The following WDR4 variants were observed in gnomAD, a reference collection of about 807,000 sequenced individuals.
WDR4 encodes the protein WDR4 tRNA N7-guanosine methyltransferase non-catalytic subunit, also known as tRNA (guanine-N(7)-)-methyltransferase non-catalytic subunit WDR4.
In WDR4, 47 loss-of-function variants were observed where a neutral mutation model predicts 48.6. The ratio of observed to expected loss-of-function variants is 0.97; its 90% confidence interval spans 0.77 to 1.23. WDR4 has a LOEUF of 1.23. Ranked by LOEUF, WDR4 falls within the 50% of genes most tolerant of loss-of-function variation. The pLI is 0.00. For synonymous variants in WDR4, 268 were observed against 230.0 expected (o/e 1.17, Z -1.49); for missense variants, 606 against 551.6 (o/e 1.10, Z -0.99).
chr21:42,848,240 A>G (rs1020657249), downstream of WDR4, among the ~76,000 whole-genome samples: 2 of 152,166 alleles, frequency 1.3e-5, no homozygotes, highest in African/African-American at 2.4e-5. Flanking sequence ...GCCTGAACGA[A>G]TTAAGTGATG....
intron 5 of WDR4, among the ~76,000 whole-genome samples, chr21:42,861,233 G>C (rs562997932): frequency 6.6e-6 from 1 of 150,696 alleles, no homozygotes; most frequent in Admixed American, 6.6e-5. Flanking sequence ...AGAATCGCTT[G>C]AACCTGGAAG....
downstream of WDR4, among the ~76,000 whole-genome samples, chr21:42,844,852 C>T (rs1371058462): frequency 6.6e-6 from 1 of 152,208 alleles, no homozygotes; most frequent in Non-Finnish European, 1.5e-5. Context: ...TGAGAGCCCC[C>T]GCCCCCACCA....
At chr21:42,854,160 T>A (rs186464098) in intron 8 of WDR4, among the ~76,000 whole-genome samples, 3 of 152,318 alleles carry the variant, frequency 2.0e-5, no homozygotes, top group Admixed American at 2.0e-4. Flanking sequence ...CACAAGTCAC[T>A]CGGGAAGAAG....
At position 42,853,674 on chromosome 21, in the gene WDR4, G is replaced by A. The variant is rs149553550; in HGVS notation, c.870C>T (p.His290=). 4.0e-5 allele frequency: 63 copies of A among 1,588,132 alleles called. No homozygotes were observed. Among genetic ancestry groups the A allele is most frequent in the Non-Finnish European group, 5.2e-5 (61 of 1,168,304 alleles). The stretch of plus-strand genomic sequence containing the variant: ...CCTCGAAAGCCACGTCCCACACTTG[G>A]TGCTGGAACGCCAGCTGCTGCCTGT... The part of the protein sequence containing the change: ...LVYRQQLAFQ[H]QVWDVAFEET... Residue 290 remains histidine, a synonymous_variant, in exon 9 of 11, where the codon CAC becomes CAT. Coordinates refer to ENST00000398208, the MANE Select transcript of WDR4 (RefSeq NM_018669.6).
downstream of WDR4, among the ~76,000 whole-genome samples, chr21:42,844,231 G>A (rs80007636): frequency 0.015 from 2,224 of 152,182 alleles, 54 homozygotes; most frequent in African/African-American, 0.049. Context: ...GGAAGAGACC[G>A]AATAGCTAGA....
chr21:42,850,496 G>A (rs571206444), intron 10 of WDR4, among the ~76,000 whole-genome samples: 2 of 152,220 alleles, frequency 1.3e-5, no homozygotes, highest in Non-Finnish European at 2.9e-5. Flanking sequence ...CACCAAGGCT[G>A]GGCCTCCACC....
chr21:42,879,290 T>G, intron 1 of WDR4, 117 bp downstream of exon 1: 2 of 1,408,810 alleles, frequency 1.4e-6, no homozygotes, highest in Non-Finnish European at 9.3e-7. Flanking sequence ...TGGAGCGGAG[T>G]TCCCCGGGGT....
chr21:42,862,274 G>A lies in WDR4; in HGVS notation c.566+8C>T, dbSNP rs772725522. ...CTTTCTGCTGGAGGGGCAGGAAGGG[G>A]CACTCACTCTGTGTGCCCCAAGCAG... is the stretch of plus-strand genomic sequence containing the variant. On this transcript the variant is annotated splice_region_variant and intron_variant, in intron 5 of 10. Transcript: ENST00000398208. This position sits in a 1 kb window ranked among gnomAD's most constrained non-coding sequence, Gnocchi z 4.3. 6.3e-7 allele frequency: 1 copy of A among 1,597,606 alleles called. No individual in the cohort carries two copies. Among genetic ancestry groups the A allele is most frequent in the Admixed American group, 1.7e-5 (1 of 58,528 alleles).
chr21:42,850,691 G>A (rs1458172034), intron 10 of WDR4, among the ~76,000 whole-genome samples: 2 of 152,216 alleles, frequency 1.3e-5, no homozygotes, highest in East Asian at 1.9e-4. Flanking sequence ...AGCTGAGATG[G>A]CCACCTGCAG....
chr21:42,872,076 C>G (rs2146089978), intron 3 of WDR4, among the ~76,000 whole-genome samples: 1 of 152,144 alleles, frequency 6.6e-6, no homozygotes, highest in Admixed American at 6.5e-5. Context: ...CCTCCGCCTC[C>G]CAGGTTCGGG....
chr21:42,853,004 G>A (rs1277887806), intron 9 of WDR4, among the ~76,000 whole-genome samples: 2 of 152,038 alleles, frequency 1.3e-5, no homozygotes, highest in African/African-American at 4.8e-5. Flanking sequence ...AACCCTGTGA[G>A]ACGCAGGGCG....
At chr21:42,843,317 G>A (rs766312528) in intron 11 of WDR4, 7 of 151,038 alleles carry the variant, frequency 4.6e-5, no homozygotes, top group Non-Finnish European at 8.8e-5. Flanking sequence ...AGCAGAAAAG[G>A]AACAATTATC....
chr21:42,854,107 G>A (rs1789329298), intron 8 of WDR4, among the ~76,000 whole-genome samples: 1 of 152,222 alleles, frequency 6.6e-6, no homozygotes, highest in African/African-American at 2.4e-5. Context: ...AGGACAAGAT[G>A]AAAAGTGCCG....
chr21:42,868,892 G>A (rs2058308605), intron 3 of WDR4, among the ~76,000 whole-genome samples: 3 of 152,216 alleles, frequency 2.0e-5, no homozygotes, highest in Admixed American at 1.3e-4. Flanking sequence ...CAAACTTCCC[G>A]AAGTTTAAAG....
chr21:42,853,603 A>G lies in WDR4; in HGVS notation c.941T>C (p.Leu314Pro). ...WVLQDCQEAP[L>P]VLYRPVGDQW... The stretch of plus-strand genomic sequence containing the variant: ...GTCGCCCACAGGCCTGTAGAGCACC[A>G]GGGGGGCTTCCTGGCAGTCCTGGAG... Residue 314 changes from leucine (L) to proline (P), a missense_variant, in exon 9 of 11, where the codon CTG becomes CCG. Leu to Pro is a moderately conservative substitution (Grantham distance 98). Transcript: ENST00000398208. 2.5e-6 allele frequency: 4 copies of G among 1,610,714 alleles called. No individual in the cohort carries two copies. Among genetic ancestry groups the G allele is most frequent in the Non-Finnish European group, 3.4e-6 (4 of 1,179,170 alleles).
chr21:42,850,180 A>C lies in WDR4; in HGVS notation c.1108T>G (p.Ser370Ala), dbSNP rs762041902. ...LYKATFDNVTSYLKKKEERLQ... is the reference protein window; with the variant it reads ...LYKATFDNVTAYLKKKEERLQ... ...CTCTCCTCTTTCTTCTTCAGGTAGG[A>C]GGTCACGTTGTCGAACGTGGCCTTG... is the stretch of plus-strand genomic sequence containing the variant. The change falls in exon 11 of 11, where the codon TCC (serine) becomes GCC (alanine). Residue 370 changes from serine (S) to alanine (A), a missense_variant. By Grantham distance (99) the Ser-to-Ala change is moderately conservative. Coordinates refer to ENST00000398208, the MANE Select transcript of WDR4 (RefSeq NM_018669.6). 4 of 1,613,756 alleles carry C rather than the reference A, an allele frequency of 2.5e-6. No individual in the cohort carries two copies. The highest frequency in any genetic ancestry group is 2.2e-5 in the East Asian group (1 of 44,868).
At chr21:42,861,298 A>AG (rs1223955060) in intron 5 of WDR4, among the ~76,000 whole-genome samples, 1 of 118,420 alleles carries the variant, frequency 8.4e-6, no homozygotes, top group East Asian at 2.8e-4. Context: ...TGGGCGACAC[A>AG]GCTAAGAAAG....
chr21:42,846,735 C>T (rs1354922085), downstream of WDR4, among the ~76,000 whole-genome samples: 1 of 151,984 alleles, frequency 6.6e-6, no homozygotes, highest in Non-Finnish European at 1.5e-5. Context: ...GAATTAAATA[C>T]AATAGATTGG....
rs1569310875 is a variant in WDR4, at chr21:42,850,125, CGCTGCTTCTTCTCTAGCT to C, written c.1145_1162del (p.Gln382_Gln387del). The C allele has an allele frequency of 3.1e-6, 5 of 1,613,956 alleles. No individual in the cohort carries two copies. The highest frequency in any genetic ancestry group is 4.2e-6 in the Non-Finnish European group (5 of 1,179,986). On this transcript the variant is annotated inframe_deletion, in exon 11 of 11. Coordinates refer to ENST00000398208, the MANE Select transcript of WDR4 (RefSeq NM_018669.6). The stretch of plus-strand genomic sequence containing the variant: ...GGGCCCAGGCGGGGGACTCCGGCGC[CGCTGCTTCTTCTCTAGCT>C]GCTGCTGCAGTCTCTCCTCTTTCTT...
Sources: allele counts gnomAD v4.1 joint callset (sites outside exome capture counted in the v4.1 genomes callset), GRCh38; gene constraint gnomAD v4.1.1; non-coding constraint Gnocchi (gnomAD v3.1); transcripts MANE v1.5; gene names NCBI Gene and HGNC (gene_info 2026-07-23, HGNC 2026-07-21).